ABCB5: variants seen among roughly 807,000 people sequenced by gnomAD.
ABCB5 encodes ATP-binding cassette sub-family B member 5.
Under a neutral mutation model 144.2 loss-of-function variants are expected in ABCB5, and 155 were observed. The observed-to-expected ratio is 1.08, with a 90% CI of 0.94 to 1.23. The LOEUF (loss-of-function observed/expected upper bound fraction) is 1.23, where lower values mean the gene tolerates loss of function less well. ABCB5 is among the 50% of genes most tolerant of loss of function. ABCB5 has a pLI of 0.00. For synonymous variants in ABCB5, 610 were observed against 528.6 expected, an observed-to-expected ratio of 1.15 and a Z score of -2.11; for missense variants, 1,830 against 1,520.8, an observed-to-expected ratio of 1.20 and a Z score of -3.38.
chr7:20,699,558 G>A (rs1049713446), intron 17 of ABCB5, among the ~76,000 whole-genome samples: 6 of 152,034 alleles, frequency 3.9e-5, no homozygotes, highest in Admixed American at 1.3e-4. Context: ...AAAATTAGCC[G>A]GGTGTGGTGG....
intron 16 of ABCB5, among the ~76,000 whole-genome samples, chr7:20,690,941 A>G (rs2128041373): frequency 6.6e-6 from 1 of 152,300 alleles, no homozygotes; most frequent in Admixed American, 6.5e-5. Flanking sequence ...CTTTCAACCA[A>G]GATAGATTAA....
At chr7:20,679,796 C>A (rs565995426) in intron 14 of ABCB5, among the ~76,000 whole-genome samples, 5 of 152,124 alleles carry the variant, frequency 3.3e-5, no homozygotes, top group African/African-American at 4.8e-5. Context: ...GCAACCATGG[C>A]TCTCTTGCAC....
chr7:20,666,704 T>C, intron 14 of ABCB5: 2 of 1,571,636 alleles, frequency 1.3e-6, no homozygotes, highest in South Asian at 1.2e-5. Flanking sequence ...CTTTGTGTAA[T>C]CTGTGAAGTA....
At chr7:20,629,782 AAGG>A (rs1028221424) in intron 4 of ABCB5, among the ~76,000 whole-genome samples, 6 of 150,018 alleles carry the variant, frequency 4.0e-5, no homozygotes, top group South Asian at 2.1e-4. Context: ...AAAGAAGGAG[AAGG>A]AGAAGAAGAA....
intron 14 of ABCB5, among the ~76,000 whole-genome samples, chr7:20,670,947 T>C (rs902173694): frequency 5.3e-5 from 8 of 152,050 alleles, no homozygotes; most frequent in African/African-American, 1.9e-4. Context: ...AAGCAAGCAA[T>C]AAAAACCTGT....
chr7:20,688,092 C>A lies in ABCB5; in HGVS notation c.2010+2256C>A. ...CCTGTAATCCTAGCTACTCGGGAGG[C>A]TGAGGCAGGAGAATTGCTTGAATCC... is the stretch of plus-strand genomic sequence containing the variant. On this transcript the variant is annotated intron_variant, in intron 16 of 27. Coordinates refer to ENST00000404938, the MANE Select transcript of ABCB5 (RefSeq NM_001163941.2). Among the ~76,000 whole-genome samples the A allele has an allele frequency of 1.3e-5, 2 of 151,600 alleles. 1 individual carries two copies. Among genetic ancestry groups the A allele is most frequent in the African/African-American group, 4.9e-5 (2 of 41,204 alleles).
intron 1 of ABCB5, among the ~76,000 whole-genome samples, chr7:20,620,500 A>G (rs550279321): frequency 9.2e-5 from 14 of 152,296 alleles, no homozygotes; most frequent in African/African-American, 2.9e-4. Flanking sequence ...CAAATCACGT[A>G]CTTAATAATA....
intron 23 of ABCB5, among the ~76,000 whole-genome samples, chr7:20,735,656 G>A (rs916880445): frequency 1.3e-5 from 2 of 152,192 alleles, no homozygotes; most frequent in Non-Finnish European, 2.9e-5. Context: ...TCAAAGGACA[G>A]TTGATATCTA....
At chr7:20,666,969 G>T in intron 14 of ABCB5, 1 of 974,626 alleles carries the variant, frequency 1.0e-6, no homozygotes, top group Admixed American at 3.9e-5. Context: ...AGCAATTACA[G>T]TTGAATATTT....
At chr7:20,693,022 A>T (rs1457012571) in intron 16 of ABCB5, among the ~76,000 whole-genome samples, 1 of 152,172 alleles carries the variant, frequency 6.6e-6, no homozygotes, top group Non-Finnish European at 1.5e-5. Context: ...AACAAATTTG[A>T]CCTAATAAAC....
intron 14 of ABCB5, among the ~76,000 whole-genome samples, chr7:20,677,570 A>T (rs10240441): frequency 0.11 from 17,460 of 152,084 alleles, 1,298 homozygotes; most frequent in Middle Eastern, 0.22. Flanking sequence ...CTCTACTAAA[A>T]ATACAAAAAT....
intron 19 of ABCB5, among the ~76,000 whole-genome samples, chr7:20,703,091 G>A (rs977385024): frequency 1.3e-5 from 2 of 151,992 alleles, no homozygotes; most frequent in African/African-American, 2.4e-5. Flanking sequence ...GTTTTACAGC[G>A]AGTTACTATA....
At chr7:20,675,678 A>G (rs1346625652) in intron 14 of ABCB5, among the ~76,000 whole-genome samples, 2 of 151,998 alleles carry the variant, frequency 1.3e-5, no homozygotes, top group Admixed American at 6.6e-5. Flanking sequence ...TCAAACAAAA[A>G]GCCTCTGCAC....
chr7:20,628,975 G>A (rs1438454652), intron 4 of ABCB5, 137 bp downstream of exon 4: 2 of 1,009,754 alleles, frequency 2.0e-6, no homozygotes, highest in South Asian at 2.1e-5. Context: ...CATTTATTCT[G>A]CCATATTGCT....
At chr7:20,639,001 T>C (rs1202118426) in intron 5 of ABCB5, among the ~76,000 whole-genome samples, 1 of 152,202 alleles carries the variant, frequency 6.6e-6, no homozygotes, top group Non-Finnish European at 1.5e-5. Flanking sequence ...TTCCAGTTTC[T>C]CCATGTCCTC....
At chr7:20,700,238 G>C (rs2128043326) in intron 19 of ABCB5, 103 bp downstream of exon 19, 2 of 1,020,444 alleles carry the variant, frequency 2.0e-6, no homozygotes, top group East Asian at 5.4e-5. Context: ...ATCTTTCTTT[G>C]AAAGCACACT....
intron 14 of ABCB5, among the ~76,000 whole-genome samples, chr7:20,660,735 T>G (rs564982013): frequency 1.3e-5 from 2 of 152,270 alleles, no homozygotes; most frequent in African/African-American, 4.8e-5. Flanking sequence ...AGTTAACAGT[T>G]TTATGCTGCT....
At position 20,743,067 on chromosome 7, in the gene ABCB5, G is replaced by C; in HGVS notation, c.3215G>C (p.Gly1072Ala). Residue 1072 changes from glycine (G) to alanine (A), a missense_variant, in exon 25 of 28, where the codon GGA becomes GCA. Transcript: ENST00000404938. ...LLQRLYDPVQ[G>A]QVLFDGVDAK... ...CAGAGACTTTATGACCCCGTGCAAG[G>C]ACAAGTGGTAAGACAGAACTGAAAC... 6.2e-7 allele frequency: 1 copy of C among 1,613,876 alleles called. No individual in the cohort carries two copies. Among genetic ancestry groups the C allele is most frequent in the Non-Finnish European group, 8.5e-7 (1 of 1,179,856 alleles).
intron 3 of ABCB5, among the ~76,000 whole-genome samples, chr7:20,627,978 C>T (rs1195878045): frequency 6.6e-6 from 1 of 152,066 alleles, no homozygotes; most frequent in Non-Finnish European, 1.5e-5. Context: ...TGTCAGGTAT[C>T]TACAATTTGT....
Sources: allele counts gnomAD v4.1 joint callset (sites outside exome capture counted in the v4.1 genomes callset), GRCh38; gene constraint gnomAD v4.1.1; transcripts MANE v1.5; gene names NCBI Gene and HGNC (gene_info 2026-07-23, HGNC 2026-07-21).